EXOC2: variants seen among roughly 807,000 people sequenced by gnomAD.
EXOC2 encodes exocyst complex component 2.
In EXOC2, 70 loss-of-function variants were observed where a neutral mutation model predicts 131.8. The ratio of observed to expected loss-of-function variants is 0.53; its 90% confidence interval spans 0.44 to 0.65. The LOEUF (loss-of-function observed/expected upper bound fraction) is 0.65, where lower values mean the gene tolerates loss of function less well. Ranked by LOEUF, EXOC2 falls within the 30% of genes least tolerant of loss-of-function variation. The pLI, the probability that EXOC2 is intolerant of heterozygous loss-of-function variation, is 0.00. For synonymous variants in EXOC2, 411 were observed against 398.4 expected, an observed-to-expected ratio of 1.03 and a Z score of -0.38; for missense variants, 923 against 1,108.6, an observed-to-expected ratio of 0.83 and a Z score of 2.38.
chr6:592,426 G>T (rs1298464710), intron 11 of EXOC2, 43 bp downstream of exon 11: 1 of 1,500,800 alleles, frequency 6.7e-7, no homozygotes, highest in South Asian at 1.1e-5. Flanking sequence ...GCATCAAAAT[G>T]ACATGAAGGA....
At chr6:492,779 G>A (rs2127470345) in intron 25 of EXOC2, among the ~76,000 whole-genome samples, 1 of 152,294 alleles carries the variant, frequency 6.6e-6, no homozygotes, top group South Asian at 2.1e-4. Flanking sequence ...GACTTAATGG[G>A]TCAGGGGTTT....
At chr6:576,330 A>G (rs1036617703) in intron 12 of EXOC2, among the ~76,000 whole-genome samples, 2 of 152,168 alleles carry the variant, frequency 1.3e-5, no homozygotes, top group Non-Finnish European at 2.9e-5. Context: ...AATTATTAGC[A>G]AGTATTTTAT....
chr6:564,468 A>G (rs1441351475), intron 15 of EXOC2, 77 bp downstream of exon 15: 3 of 1,557,742 alleles, frequency 1.9e-6, no homozygotes, highest in Non-Finnish European at 2.6e-6. Context: ...TTTCTTCTTC[A>G]CTGAATGTAT....
At chr6:578,590 G>A (rs968433757) in intron 11 of EXOC2, among the ~76,000 whole-genome samples, 5 of 152,166 alleles carry the variant, frequency 3.3e-5, no homozygotes, top group African/African-American at 9.7e-5. Flanking sequence ...TAGCTGGTAG[G>A]TCTTAGATAA....
intron 13 of EXOC2, among the ~76,000 whole-genome samples, chr6:566,116 T>C (rs1199734563): frequency 3.9e-5 from 6 of 152,222 alleles, no homozygotes; most frequent in African/African-American, 1.4e-4. Flanking sequence ...AAGGTATGTA[T>C]AAAAACTAAA....
intron 22 of EXOC2, among the ~76,000 whole-genome samples, chr6:541,762 T>G (rs529116082): frequency 6.6e-6 from 1 of 152,344 alleles, no homozygotes; most frequent in African/African-American, 2.4e-5. Context: ...TGGATGGTTC[T>G]ATAACCATTA....
At chr6:513,951 T>C (rs1222817801) in intron 23 of EXOC2, among the ~76,000 whole-genome samples, 1 of 152,254 alleles carries the variant, frequency 6.6e-6, no homozygotes, top group African/African-American at 2.4e-5. Context: ...AATTGTACTA[T>C]TTTTAGACTC....
chr6:488,086 G>A lies in EXOC2; in HGVS notation c.2681+893C>T, dbSNP rs117054396. 8.6e-3 allele frequency among the ~76,000 whole-genome samples: 1,313 copies of A among 152,368 alleles called. 12 individuals are homozygous for A. Among genetic ancestry groups the A allele is most frequent in the South Asian group, 0.039 (190 of 4,826 alleles). ...TGATTGTGCAGGCACTGTCTGCACAGCTGCCATGTGCCCACGTGGGATGCG... is the reference window on the plus strand; with the variant it reads ...TGATTGTGCAGGCACTGTCTGCACAACTGCCATGTGCCCACGTGGGATGCG... On this transcript the variant is annotated intron_variant, in intron 27 of 27. Coordinates refer to ENST00000230449, the MANE Select transcript of EXOC2 (RefSeq NM_018303.6).
chr6:615,577 G>A (rs1722059418), intron 6 of EXOC2, among the ~76,000 whole-genome samples: 1 of 152,080 alleles, frequency 6.6e-6, no homozygotes, highest in Admixed American at 6.5e-5. Context: ...GAAATTAGCT[G>A]GGCGTGGTGG....
intron 25 of EXOC2, among the ~76,000 whole-genome samples, chr6:496,889 G>A (rs1015559780): frequency 2.0e-5 from 3 of 152,280 alleles, no homozygotes; most frequent in South Asian, 2.1e-4. Context: ...GCTTCCATCT[G>A]CAGGCATGCC....
At position 538,258 on chromosome 6, in the gene EXOC2, G is replaced by T. The variant is rs566594156; in HGVS notation, c.2239-5648C>A. ...AGGAAACTTGCATAGCACACTGAAA[G>T]CAAATACATAATAAATGCTAGCAGC... On this transcript the variant is annotated intron_variant, in intron 22 of 27. Transcript: ENST00000230449. 9.2e-5 allele frequency among the ~76,000 whole-genome samples: 14 copies of T among 152,270 alleles called. No homozygotes were observed. In the South Asian group the frequency reaches 1.7e-3, roughly 18 times the overall value.
intron 1 of EXOC2, among the ~76,000 whole-genome samples, chr6:652,574 A>G (rs2127740746): frequency 6.6e-6 from 1 of 152,330 alleles, no homozygotes; most frequent in South Asian, 2.1e-4. Flanking sequence ...ATAAAAGAAT[A>G]TAAGCTACTC....
At chr6:586,602 A>G (rs1480626400) in intron 11 of EXOC2, among the ~76,000 whole-genome samples, 1 of 152,182 alleles carries the variant, frequency 6.6e-6, no homozygotes, top group African/African-American at 2.4e-5. Context: ...TGAATCCCCA[A>G]ATACCAGCCA....
chr6:653,542 T>C (rs971996355), intron 1 of EXOC2, among the ~76,000 whole-genome samples: 1 of 152,196 alleles, frequency 6.6e-6, no homozygotes, highest in Non-Finnish European at 1.5e-5. Flanking sequence ...CTCTCTTCAA[T>C]GCTATGAAGG....
intron 23 of EXOC2, among the ~76,000 whole-genome samples, chr6:513,687 G>C (rs116332950): frequency 9.9e-5 from 15 of 152,194 alleles, no homozygotes; most frequent in African/African-American, 3.6e-4. Context: ...AAAGAAAAAT[G>C]GGTTTTCAGA....
rs58892194 is a variant in EXOC2 at position 685,869 on chromosome 6, C to CTTTTTTTTTTT, written c.-44+7139_-44+7149dup. 8.1e-5 allele frequency among the ~76,000 whole-genome samples: 8 copies of CTTTTTTTTTTT among 98,240 alleles called. 1 individual carries two copies. Among genetic ancestry groups the CTTTTTTTTTTT allele is most frequent in the African/African-American group, 2.8e-4 (7 of 25,020 alleles). The allele number at this position is 98,240 out of a possible 152,430, so 64.4% of individuals were successfully genotyped here. On this transcript the variant is annotated intron_variant, in intron 1 of 27. Transcript: ENST00000230449. The stretch of plus-strand genomic sequence containing the variant: ...TAATGTATCCTGCTTTCCTGGACCT[C>CTTTTTTTTTTT]TTTTTTTTTTTTTTTTTTTTTTTTG...
chr6:656,098 G>T, intron 1 of EXOC2: 1 of 1,572,178 alleles, frequency 6.4e-7, no homozygotes, highest in Non-Finnish European at 8.7e-7. Context: ...AATCTAAGCT[G>T]GCTGAATTTT....
chr6:545,516 C>T (rs1756800703), intron 22 of EXOC2, among the ~76,000 whole-genome samples: 1 of 152,100 alleles, frequency 6.6e-6, no homozygotes, highest in African/African-American at 2.4e-5. Flanking sequence ...ATTAGTTCTT[C>T]TAGAATATAA....
intron 23 of EXOC2, among the ~76,000 whole-genome samples, chr6:516,293 C>T (rs1432258768): frequency 2.6e-5 from 4 of 152,170 alleles, no homozygotes; most frequent in African/African-American, 9.7e-5. Context: ...GGTTCTGGGG[C>T]GGCACTGGAG....
Sources: allele counts gnomAD v4.1 joint callset (sites outside exome capture counted in the v4.1 genomes callset), GRCh38; gene constraint gnomAD v4.1.1; transcripts MANE v1.5; gene names NCBI Gene and HGNC (gene_info 2026-07-23, HGNC 2026-07-21).